The following CAST variants were observed in gnomAD, a reference collection of about 807,000 sequenced individuals.
CAST encodes MIR583 host.
A neutral mutation model predicts 119.6 loss-of-function variants in CAST; 76 were observed. The observed-to-expected ratio is 0.64, with a 90% confidence interval of 0.53 to 0.77. The LOEUF is 0.77. Ranked by LOEUF, CAST falls within the 30% of genes least tolerant of loss-of-function variation. CAST has a pLI of 0.00. For synonymous variants in CAST, 319 were observed against 331.6 expected, an observed-to-expected ratio of 0.96 and a Z score of 0.41; for missense variants, 953 against 946.5, an observed-to-expected ratio of 1.01 and a Z score of -0.09.
intron 1 of CAST, among the ~76,000 whole-genome samples, chr5:96,614,577 C>A (rs1352710039): frequency 2.0e-5 from 3 of 152,112 alleles, no homozygotes; most frequent in African/African-American, 7.2e-5. Flanking sequence ...GGAAATGATT[C>A]ATTCACTGTG....
chr5:96,394,775 T>C, the CAST span: 1 of 1,195,438 alleles, frequency 8.4e-7, no homozygotes, highest in East Asian at 2.3e-5. Flanking sequence ...TTTGACTTAT[T>C]TCCTGCTTGG....
the CAST span, among the ~76,000 whole-genome samples, chr5:95,998,388 AT>A: frequency 2.3e-4 from 35 of 152,000 alleles, no homozygotes; most frequent in African/African-American, 8.0e-4. Flanking sequence ...CTAATAGGTA[AT>A]TTTTCAACCC....
chr5:96,765,406 G>A lies in CAST; in HGVS notation c.2037+81G>A, dbSNP rs1769565425. ...GGGTCTTGACTCTGTCATTGTCATA[G>A]GAATATTGATGTGAACTTAACCTAT... On this transcript the variant is annotated intron_variant, in intron 26 of 31. Transcript: ENST00000675179. 5 of 706,170 alleles carry A rather than the reference G, an allele frequency of 7.1e-6. No individual in the cohort carries two copies. In the East Asian group the frequency reaches 1.4e-4, roughly 19 times the overall value. The allele number at this position is 706,170 out of a possible 1,614,324, so 43.7% of individuals were successfully genotyped here.
the CAST span, among the ~76,000 whole-genome samples, chr5:96,076,910 A>G: frequency 6.6e-6 from 1 of 151,580 alleles, no homozygotes; most frequent in Non-Finnish European, 1.5e-5. Context: ...CCAATATGAT[A>G]TATATTTTTG....
chr5:96,079,152 C>A, the CAST span: 2 of 475,726 alleles, frequency 4.2e-6, no homozygotes, highest in East Asian at 1.3e-4. Flanking sequence ...CACACATTAA[C>A]CAAAGAGGAA....
At chr5:96,054,238 T>TA in the CAST span, among the ~76,000 whole-genome samples, 1 of 152,090 alleles carries the variant, frequency 6.6e-6, no homozygotes, top group Non-Finnish European at 1.5e-5. Context: ...CTTTTTATTT[T>TA]AAAAAAATAT....
the CAST span, chr5:96,411,097 T>C: frequency 2.2e-5 from 18 of 828,754 alleles, no homozygotes; most frequent in Non-Finnish European, 3.8e-5. Flanking sequence ...AGACAGCTAT[T>C]TGGGATCTAT....
the CAST span, among the ~76,000 whole-genome samples, chr5:95,990,251 A>G: frequency 2.0e-5 from 3 of 152,136 alleles, no homozygotes; most frequent in Non-Finnish European, 2.9e-5. Context: ...CAGAGTCAGG[A>G]AATGTCAGTT....
At chr5:96,470,287 G>A in the CAST span, among the ~76,000 whole-genome samples, 27 of 151,702 alleles carry the variant, frequency 1.8e-4, no homozygotes, top group South Asian at 6.2e-4. Context: ...CTTTTATATC[G>A]AAAAATATAT....
chr5:96,144,797 C>T, the CAST span, among the ~76,000 whole-genome samples: 2 of 152,008 alleles, frequency 1.3e-5, no homozygotes, highest in Admixed American at 1.3e-4. Context: ...CTGCCTCAGC[C>T]TCCTGAGTAG....
At chr5:96,148,474 C>T in the CAST span, among the ~76,000 whole-genome samples, 7 of 152,270 alleles carry the variant, frequency 4.6e-5, no homozygotes, top group Admixed American at 1.3e-4. Flanking sequence ...TCGGTAGTTT[C>T]TAGGCAGGCA....
At chr5:96,555,722 G>T (rs1363191663) in intron 1 of CAST, among the ~76,000 whole-genome samples, 2 of 151,452 alleles carry the variant, frequency 1.3e-5, no homozygotes, top group African/African-American at 2.4e-5. Context: ...AAACAAAGCG[G>T]CCAGGAAGCT....
rs775316398 is a variant in CAST, at chr5:96,762,288, T to C, written c.1848T>C (p.Ala616=). 3 of 1,607,214 alleles carry C rather than the reference T, an allele frequency of 1.9e-6. No homozygotes were observed. The highest frequency in any genetic ancestry group is 2.5e-6 in the Non-Finnish European group (3 of 1,178,060). The change falls in exon 25 of 32, where the codon GCT becomes GCC. Residue 616 remains alanine, a synonymous_variant. Transcript: ENST00000675179. ...QNASSLKFED[A]KLAAAISEVV... is the part of the protein sequence containing the mutation. ...TTCAATAAAAGAAATTTGAAGATGC[T>C]AAACTTGCTGCTGCCATCTCTGAAG... is the stretch of plus-strand genomic sequence containing the variant.
chr5:96,132,767 C>T, the CAST span, among the ~76,000 whole-genome samples: 3 of 152,048 alleles, frequency 2.0e-5, no homozygotes, highest in Admixed American at 2.0e-4. Flanking sequence ...ATATTTATAG[C>T]CAACCTGGTT....
chr5:96,700,093 G>A (rs73774396), intron 3 of CAST, among the ~76,000 whole-genome samples: 112 of 152,278 alleles, frequency 7.4e-4, no homozygotes, highest in African/African-American at 2.6e-3. Context: ...ATAGGAGTGA[G>A]GGTTTGGGTT....
the CAST span, among the ~76,000 whole-genome samples, chr5:95,969,917 A>T: frequency 4.9e-3 from 751 of 152,252 alleles, 5 homozygotes; most frequent in Non-Finnish European, 8.5e-3. Flanking sequence ...AAGAAAGAGG[A>T]TGAGAAAAAG....
intron 1 of CAST, among the ~76,000 whole-genome samples, chr5:96,600,937 C>G (rs1241651136): frequency 1.3e-5 from 2 of 152,082 alleles, no homozygotes; most frequent in Non-Finnish European, 2.9e-5. Context: ...AACCTCTGCC[C>G]CTGCTCCTCC....
chr5:96,534,268 A>T (rs1380653774), intron 1 of CAST, among the ~76,000 whole-genome samples: 19 of 152,242 alleles, frequency 1.2e-4, no homozygotes, highest in Non-Finnish European at 7.3e-5. Flanking sequence ...GCAAAAATCT[A>T]TTTAAAGTAT....
chr5:96,122,707 A>C, the CAST span, among the ~76,000 whole-genome samples: 10 of 150,468 alleles, frequency 6.6e-5, no homozygotes. Context: ...TGAAAGCAAG[A>C]GTTTACTGTT....
Sources: allele counts gnomAD v4.1 joint callset (sites outside exome capture counted in the v4.1 genomes callset), GRCh38; gene constraint gnomAD v4.1.1; transcripts MANE v1.5; gene names NCBI Gene and HGNC (gene_info 2026-07-23, HGNC 2026-07-21).